Variants in BRINP1 observed in about 807,000 individuals in gnomAD.
BRINP1 encodes BMP/retinoic acid inducible neural specific 1, also known as BMP/retinoic acid-inducible neural-specific protein 1.
BRINP1 carries 17 observed loss-of-function variants against 72.9 expected under a neutral mutation model. The ratio of observed to expected loss-of-function variants is 0.23; its 90% CI spans 0.16 to 0.35. The LOEUF (loss-of-function observed/expected upper bound fraction) is 0.35, where lower values mean the gene tolerates loss of function less well. Ranked by LOEUF, BRINP1 falls within the 10% of genes least tolerant of loss-of-function variation. The pLI is 1.00. For synonymous variants in BRINP1, 418 were observed against 378.5 expected, an observed-to-expected ratio of 1.10 and a Z score of -1.21; for missense variants, 850 against 1,001.6, an observed-to-expected ratio of 0.85 and a Z score of 2.04.
At chr9:119,219,810 G>T (rs1034755610) in intron 5 of BRINP1, among the ~76,000 whole-genome samples, 1 of 152,130 alleles carries the variant, frequency 6.6e-6, no homozygotes, top group East Asian at 1.9e-4. Flanking sequence ...TGGATTAGGG[G>T]TGTTAAAAGC....
At chr9:119,267,360 C>T (rs1396129724) in intron 2 of BRINP1, among the ~76,000 whole-genome samples, 1 of 152,104 alleles carries the variant, frequency 6.6e-6, no homozygotes, top group Admixed American at 6.5e-5. Flanking sequence ...AAAGACCAGG[C>T]ACGGTGGCTC....
At chr9:119,306,182 A>G (rs1233672004) in intron 2 of BRINP1, among the ~76,000 whole-genome samples, 1 of 152,234 alleles carries the variant, frequency 6.6e-6, no homozygotes, top group African/African-American at 2.4e-5. Context: ...TATGGTTTGT[A>G]ACTCACAGAA....
At chr9:119,173,628 TTGG>T in intron 7 of BRINP1, among the ~76,000 whole-genome samples, 2 of 150,492 alleles carry the variant, frequency 1.3e-5, no homozygotes, top group African/African-American at 2.5e-5. Context: ...CTTCACAGAA[TTGG>T]AAAAAACTAC....
Position 119,208,751 on chromosome 9 carries a change from G to T in BRINP1, c.1113C>A (p.Arg371=). 1 of 1,613,474 alleles carries T rather than the reference G, an allele frequency of 6.2e-7. No homozygotes were observed. The highest frequency in any genetic ancestry group is 1.3e-5 in the African/African-American group (1 of 75,038). ...RKLFGLSVRC[R]HNPNHQLPRE... is the part of the protein sequence containing the mutation. Reference sequence around the variant, plus strand: ...TAGGCAGCTGGTGGTTGGGATTGTGGCGACAGCGTACACTGAGGCCGAAAA... The same window carrying T: ...TAGGCAGCTGGTGGTTGGGATTGTGTCGACAGCGTACACTGAGGCCGAAAA... The change falls in exon 7 of 8, where the codon CGC becomes CGA. Residue 371 remains arginine, a synonymous_variant. Transcript: ENST00000265922.
At chr9:119,229,426 T>C (rs1830126225) in intron 5 of BRINP1, among the ~76,000 whole-genome samples, 1 of 152,088 alleles carries the variant, frequency 6.6e-6, no homozygotes, top group Non-Finnish European at 1.5e-5. Context: ...GTAACTTATC[T>C]GAAACCTCTC....
chr9:119,211,244 C>T (rs753760255), intron 6 of BRINP1, among the ~76,000 whole-genome samples: 1 of 151,936 alleles, frequency 6.6e-6, no homozygotes, highest in Non-Finnish European at 1.5e-5. Context: ...ATTGCCCAGG[C>T]TGGAGTGAAA....
At chr9:119,297,423 A>G (rs967750794) in intron 2 of BRINP1, among the ~76,000 whole-genome samples, 1 of 152,124 alleles carries the variant, frequency 6.6e-6, no homozygotes, top group Non-Finnish European at 1.5e-5. Flanking sequence ...CTGGGTTCAA[A>G]TCAGAGTTGT....
At chr9:119,287,782 T>C (rs1830778638) in intron 2 of BRINP1, among the ~76,000 whole-genome samples, 1 of 152,188 alleles carries the variant, frequency 6.6e-6, no homozygotes, top group Non-Finnish European at 1.5e-5. Context: ...ATTTTTTCAA[T>C]TAAAAAACCT....
chr9:119,201,583 G>C (rs954000270), intron 7 of BRINP1, among the ~76,000 whole-genome samples: 7 of 152,126 alleles, frequency 4.6e-5, no homozygotes, highest in African/African-American at 1.7e-4. Context: ...CCTCTGCAAG[G>C]CACGATTTCT....
intron 6 of BRINP1, among the ~76,000 whole-genome samples, chr9:119,212,365 G>A (rs188447386): frequency 6.6e-6 from 1 of 152,298 alleles, no homozygotes; most frequent in South Asian, 2.1e-4. Context: ...ATAATTTCTT[G>A]TCTAAAGACT....
At chr9:119,361,097 C>T (rs1831624426) in intron 1 of BRINP1, among the ~76,000 whole-genome samples, 1 of 152,102 alleles carries the variant, frequency 6.6e-6, no homozygotes, top group African/African-American at 2.4e-5. Flanking sequence ...GCTCTCCATT[C>T]CTGTGTGGGG....
In BRINP1 at chr9:119,210,937, G is replaced by T. The variant is rs74865209; in HGVS notation, c.923-1996C>A. Among the ~76,000 whole-genome samples, 1,430 of 152,256 alleles carry T rather than the reference G, an allele frequency of 9.4e-3. 23 individuals carry two copies. Among genetic ancestry groups the T allele is most frequent in the African/African-American group, 0.032 (1,309 of 41,544 alleles). On this transcript the variant is annotated intron_variant, in intron 6 of 7. Coordinates refer to ENST00000265922, the MANE Select transcript of BRINP1 (RefSeq NM_014618.3). ...GTTGATGGTAGCATAAGATTGACAG[G>T]ATGACACAAGACTCTACACTGATTG...
chr9:119,352,720 A>T (rs888403615), intron 1 of BRINP1, among the ~76,000 whole-genome samples: 2 of 152,188 alleles, frequency 1.3e-5, no homozygotes, highest in African/African-American at 4.8e-5. Flanking sequence ...TTTAATTTTT[A>T]TATTCCATAA....
intron 7 of BRINP1, among the ~76,000 whole-genome samples, chr9:119,201,041 A>C (rs1829800563): frequency 6.6e-6 from 1 of 152,204 alleles, no homozygotes; most frequent in African/African-American, 2.4e-5. Flanking sequence ...AGATCATGGC[A>C]GATCTGTCAG....
intron 2 of BRINP1, among the ~76,000 whole-genome samples, chr9:119,310,761 T>C (rs190451694): frequency 2.7e-4 from 41 of 152,256 alleles, no homozygotes; most frequent in Admixed American, 2.4e-3. Flanking sequence ...GCCGTGTCCA[T>C]GCTAGCATAC....
At chr9:119,188,139 A>T (rs1829644134) in intron 7 of BRINP1, among the ~76,000 whole-genome samples, 1 of 152,158 alleles carries the variant, frequency 6.6e-6, no homozygotes, top group Admixed American at 6.5e-5. Context: ...AAGGCATAGA[A>T]GGCTTATTTA....
In BRINP1 at chr9:119,167,089, A is replaced by G; in HGVS notation, c.2281T>C (p.Cys761Arg). 1 of 1,597,234 alleles carries G rather than the reference A, an allele frequency of 6.3e-7. No homozygotes were observed. The highest frequency in any genetic ancestry group is 8.6e-7 in the Non-Finnish European group (1 of 1,168,892). Residue 761 changes from cysteine (C) to arginine (R), a missense_variant, in exon 8 of 8, where the codon TGC (cysteine) becomes CGC (arginine). Transcript: ENST00000265922. This position sits in a 1 kb window ranked among gnomAD's most constrained non-coding sequence, Gnocchi z 4.3. Reference protein sequence around the residue: ...KQSDQMTAKLC With the variant: ...KQSDQMTAKLR ...CCATGGCAAGGAGTCCCGGGTTAGC[A>G]GAGTTTGGCTGTCATCTGGTCCGAC...
intron 2 of BRINP1, among the ~76,000 whole-genome samples, chr9:119,298,131 A>G (rs970655723): frequency 1.1e-4 from 17 of 152,218 alleles, no homozygotes; most frequent in African/African-American, 4.1e-4. Flanking sequence ...TGTTATCCTA[A>G]AGTGATAGTC....
intron 5 of BRINP1, among the ~76,000 whole-genome samples, chr9:119,226,494 A>T (rs1303668073): frequency 6.6e-6 from 1 of 152,038 alleles, no homozygotes; most frequent in Non-Finnish European, 1.5e-5. Context: ...TCCTTCTCTC[A>T]GCATCAGTTT....
Sources: allele counts gnomAD v4.1 joint callset (sites outside exome capture counted in the v4.1 genomes callset), GRCh38; gene constraint gnomAD v4.1.1; non-coding constraint Gnocchi (gnomAD v3.1); transcripts MANE v1.5; gene names NCBI Gene and HGNC (gene_info 2026-07-23, HGNC 2026-07-21).